Variants in ITGAM observed in about 807,000 individuals in gnomAD.
ITGAM encodes the protein integrin subunit alpha M.
ITGAM carries 79 observed loss-of-function variants against 137.5 expected under a neutral mutation model. The ratio of observed to expected loss-of-function variants is 0.57; its 90% CI spans 0.48 to 0.69. ITGAM has a LOEUF of 0.69. ITGAM is among the 30% of genes least tolerant of loss of function. The probability of loss-of-function intolerance (pLI) is 0.00; values close to 1 mark genes in which losing one functional copy is unlikely to be tolerated. For synonymous variants in ITGAM, 583 were observed against 592.3 expected, an observed-to-expected ratio of 0.98 and a Z score of 0.23; for missense variants, 1,343 against 1,483.5, an observed-to-expected ratio of 0.91 and a Z score of 1.56.
intron 22 of ITGAM, 114 bp from the exon 23 acceptor site, chr16:31,328,033 T>C: frequency 1.2e-6 from 1 of 804,338 alleles, no homozygotes; most frequent in East Asian, 2.5e-5. Context: ...GGGTTTCAGA[T>C]GCAGAGATAA....
chr16:31,304,897 C>A (rs1450839509), intron 14 of ITGAM, among the ~76,000 whole-genome samples: 1 of 152,004 alleles, frequency 6.6e-6, no homozygotes, highest in African/African-American at 2.4e-5. Flanking sequence ...TACTGTGATG[C>A]CTCCAGATTT....
Position 31,329,313 on chromosome 16 carries a change from T to C in ITGAM, c.2868+10T>C, listed in dbSNP as rs372047136. The C allele has an allele frequency of 3.0e-5, 47 of 1,583,614 alleles. No individual in the cohort carries two copies. In the African/African-American group the frequency reaches 6.1e-4, roughly 20 times the overall value. ...GCAGCATCAATATCAGGTGGGCAGC[T>C]GGGACGTCTGGGTCCTGAGAAGGAG... On this transcript the variant is annotated intron_variant, in intron 24 of 29. Transcript: ENST00000544665.
rs1040429279 is a variant in ITGAM at position 31,331,184 on chromosome 16, C to T, written c.3296C>T (p.Pro1099Leu). 6 of 1,611,102 alleles carry T rather than the reference C, an allele frequency of 3.7e-6. No homozygotes were observed. In the Admixed American group the frequency reaches 8.3e-5, roughly 22 times the overall value. ...CCCCAGACGGAGACCAAAGTGGAGC[C>T]GTTCGAGGTCCCCAACCCCCTGCCG... ...VRSQTETKVE[P>L]FEVPNPLPLI... Residue 1099 changes from proline to leucine, a missense_variant, in exon 29 of 30, where the codon CCG (proline) becomes CTG (leucine). By Grantham distance (98) the Pro-to-Leu change is moderately conservative. Coordinates refer to ENST00000544665, the MANE Select transcript of ITGAM (RefSeq NM_000632.4).
Position 31,321,345 on chromosome 16 carries a change from A to T in ITGAM, c.1812A>T (p.Gly604=), listed in dbSNP as rs1345227456. 1 of 1,614,038 alleles carries T rather than the reference A, an allele frequency of 6.2e-7. No homozygotes were observed. The highest frequency in any genetic ancestry group is 8.5e-7 in the Non-Finnish European group (1 of 1,179,896). The change falls in exon 15 of 30, where the codon GGA becomes GGT. Residue 604 remains glycine (G), a synonymous_variant. Transcript: ENST00000544665. ...ATGGACTGGTAGACCTGACTGTAGG[A>T]GCCCAGGGGCACGTGCTGCTGCTCA... ...TMDGLVDLTV[G]AQGHVLLLRS...
chr16:31,270,699 GTATATATATATA>G (rs869206231), intron 5 of ITGAM, among the ~76,000 whole-genome samples: 681 of 26,034 alleles, frequency 0.026, 39 homozygotes, highest in South Asian at 0.077. Flanking sequence ...GTGTGTGTGT[GTATATATATATA>G]TATATATATA....
chr16:31,303,068 C>A (rs767594733), intron 14 of ITGAM, among the ~76,000 whole-genome samples: 2 of 150,926 alleles, frequency 1.3e-5, no homozygotes, highest in Admixed American at 6.6e-5. Context: ...AGGTCTCCCT[C>A]TGTTGCCCAG....
At position 31,275,678 on chromosome 16, in the gene ITGAM, GAGA is replaced by G. The variant is rs750537448; in HGVS notation, c.992_994del (p.Lys331del). The stretch of plus-strand genomic sequence containing the variant: ...GAAGACCATTCAGAACCAGCTTCGG[GAGA>G]AGATCTTTGCGATCGAGGGTGAGTC... On this transcript the variant is annotated inframe_deletion, in exon 9 of 30. Coordinates refer to ENST00000544665, the MANE Select transcript of ITGAM (RefSeq NM_000632.4). The G allele has an allele frequency of 2.3e-5, 37 of 1,613,812 alleles. No individual in the cohort carries two copies. Among genetic ancestry groups the G allele is most frequent in the Non-Finnish European group, 2.9e-5 (34 of 1,179,876 alleles).
At chr16:31,290,738 A>G (rs779911531) in intron 12 of ITGAM, among the ~76,000 whole-genome samples, 1 of 152,148 alleles carries the variant, frequency 6.6e-6, no homozygotes, top group Non-Finnish European at 1.5e-5. Context: ...AGCCAATGCA[A>G]TAAAGCAGGA....
intron 12 of ITGAM, among the ~76,000 whole-genome samples, chr16:31,279,606 T>G (rs2079946242): frequency 6.6e-6 from 1 of 152,192 alleles, no homozygotes; most frequent in Admixed American, 6.6e-5. Flanking sequence ...TCTTGTAAAT[T>G]TGTTTAAGTT....
At chr16:31,321,159 C>A in intron 14 of ITGAM, 82 bp from the exon 15 acceptor site, 1 of 1,502,382 alleles carries the variant, frequency 6.7e-7, no homozygotes, top group South Asian at 1.2e-5. Context: ...GAACCTCTGT[C>A]TGGGCCATGC....
At chr16:31,289,940 G>A (rs535276653) in intron 12 of ITGAM, among the ~76,000 whole-genome samples, 47 of 151,986 alleles carry the variant, frequency 3.1e-4, no homozygotes, top group African/African-American at 1.1e-3. Flanking sequence ...AATTAGCCAG[G>A]TGTGGTGGCA....
rs1357287502 is a variant in ITGAM at position 31,328,742 on chromosome 16, A to G, written c.2793-486A>G. On this transcript the variant is annotated intron_variant, in intron 23 of 29. Coordinates refer to ENST00000544665, the MANE Select transcript of ITGAM (RefSeq NM_000632.4). ...TGTGCCTGGGTGTGTATTTGTGCGT[A>G]TGTCTGAAGGTCTATGTGCATGCGT... Among the ~76,000 whole-genome samples the G allele has an allele frequency of 1.7e-4, 21 of 120,538 alleles. 1 individual carries two copies. Among genetic ancestry groups the G allele is most frequent in the Middle Eastern group, 0.017 (2 of 116 alleles). 79.1% of individuals were successfully genotyped at this position (120,538 alleles called of 152,430 possible).
rs1254896501 is a variant in ITGAM at position 31,261,711 on chromosome 16, G to A, written c.48G>A (p.Gly16=). Residue 16 remains glycine (G), a synonymous_variant, in exon 2 of 30, where the codon GGG becomes GGA. Coordinates refer to ENST00000544665, the MANE Select transcript of ITGAM (RefSeq NM_000632.4). ...LLLTALTLCH[G]FNLDTENAMT... ...CTTTAGCCTTGACCTTATGTCATGG[G>A]TTCAACTTGGACACTGAAAACGCAA... 6.2e-7 allele frequency: 1 copy of A among 1,611,842 alleles called. No homozygotes were observed. Among genetic ancestry groups the A allele is most frequent in the Admixed American group, 1.7e-5 (1 of 59,704 alleles).
chr16:31,299,240 A>T (rs1016771803), intron 14 of ITGAM, among the ~76,000 whole-genome samples: 1 of 152,166 alleles, frequency 6.6e-6, no homozygotes, highest in Non-Finnish European at 1.5e-5. Flanking sequence ...ATTGATTAGC[A>T]ACTCCTCATT....
chr16:31,305,343 T>G (rs551516145), intron 14 of ITGAM, among the ~76,000 whole-genome samples: 2 of 152,284 alleles, frequency 1.3e-5, no homozygotes, highest in Non-Finnish European at 2.9e-5. Flanking sequence ...TTATCAGATC[T>G]AGGAATCTTT....
chr16:31,274,576 G>A (rs1052279629), intron 8 of ITGAM, among the ~76,000 whole-genome samples: 1 of 151,744 alleles, frequency 6.6e-6, no homozygotes, highest in Non-Finnish European at 1.5e-5. Context: ...TTATCTGGTT[G>A]GATGTAGTCT....
At position 31,331,159 on chromosome 16, in the gene ITGAM, C is replaced by A. The variant is rs932786430; in HGVS notation, c.3277-6C>A. On this transcript the variant is annotated splice_region_variant and splice_polypyrimidine_tract_variant and intron_variant, in intron 28 of 29. Transcript: ENST00000544665. ...TCTCCCCTGACGCCCCTCCTTCCTC[C>A]CCCAGACGGAGACCAAAGTGGAGCC... 3.8e-5 allele frequency: 59 copies of A among 1,554,610 alleles called. No homozygotes were observed. The highest frequency in any genetic ancestry group is 5.1e-5 in the Non-Finnish European group (57 of 1,127,582).
intron 23 of ITGAM, 122 bp from the exon 24 acceptor site, chr16:31,329,105 AC>A (rs986310184): frequency 4.5e-5 from 4 of 88,818 alleles, no homozygotes; most frequent in East Asian, 8.1e-4. Context: ...CCCCATCTCC[AC>A]CCCCCAGGAC....
chr16:31,262,401 T>TCCC (rs2079715600), intron 2 of ITGAM, among the ~76,000 whole-genome samples: 1 of 125,224 alleles, frequency 8.0e-6, no homozygotes, highest in Admixed American at 8.4e-5. Flanking sequence ...CCTTCCTTCC[T>TCCC]TCATTTCTTT....
Sources: gnomAD v4.1 joint callset for allele counts (sites outside exome capture counted in the v4.1 genomes callset) on GRCh38, gnomAD v4.1.1 for gene constraint, MANE v1.5 for transcripts, NCBI Gene and HGNC (gene_info 2026-07-23, HGNC 2026-07-21) for gene names.